The following CEP295 variants were observed in gnomAD, a reference collection of about 807,000 sequenced individuals.
CEP295 encodes centrosomal protein 295, also known as centrosomal protein of 295 kDa.
Under a neutral mutation model 291.6 loss-of-function variants are expected in CEP295, and 190 were observed. That is an observed-to-expected ratio of 0.65 (90% confidence interval 0.58 to 0.73). The LOEUF is 0.73. Among genes scored for constraint, CEP295 ranks in the 30% least tolerant of loss-of-function variants. CEP295 has a pLI of 0.00. For synonymous variants in CEP295, 993 were observed against 1,038.8 expected (o/e 0.96, Z 0.85); for missense variants, 2,863 against 2,949.4 (o/e 0.97, Z 0.68).
chr11:93,721,439 AT>A, intron 19 of CEP295, 27 bp downstream of exon 19: 1 of 1,366,174 alleles, frequency 7.3e-7, no homozygotes, highest in Non-Finnish European at 1.0e-6. Flanking sequence ...TGTTCACTCG[AT>A]TTTTAGAGCT....
intron 6 of CEP295, among the ~76,000 whole-genome samples, chr11:93,676,390 A>C (rs762566754): frequency 6.6e-6 from 1 of 151,978 alleles, no homozygotes; most frequent in Non-Finnish European, 1.5e-5. Flanking sequence ...TGTTATTATA[A>C]TTGCTATTTC....
At chr11:93,677,752 T>G (rs1950766045) in intron 6 of CEP295, among the ~76,000 whole-genome samples, 1 of 152,182 alleles carries the variant, frequency 6.6e-6, no homozygotes, top group South Asian at 2.1e-4. Context: ...TCATCATCAA[T>G]TTTCCATGCT....
At chr11:93,714,780 A>G (rs1413217759) in intron 18 of CEP295, among the ~76,000 whole-genome samples, 1 of 152,138 alleles carries the variant, frequency 6.6e-6, no homozygotes, top group Non-Finnish European at 1.5e-5. Context: ...AATTCTCTGG[A>G]CTATCCAGCA....
intron 18 of CEP295, among the ~76,000 whole-genome samples, chr11:93,720,407 G>A (rs1591143110): frequency 6.8e-6 from 1 of 147,788 alleles, no homozygotes; most frequent in East Asian, 2.1e-4. Context: ...CTGGGAGGTG[G>A]AGGTTGCAGT....
Position 93,699,257 on chromosome 11 carries a change from G to A in CEP295, c.4345G>A (p.Val1449Ile), listed in dbSNP as rs186080475. 2.6e-6 allele frequency: 4 copies of A among 1,551,786 alleles called. No homozygotes were observed. Among genetic ancestry groups the A allele is most frequent in the Middle Eastern group, 1.7e-4 (1 of 5,992 alleles). ...PDGLLGLSHL[V>I]LPQQDNLIAL... ...TGGGCTGTTGGGTTTATCACATCTTGTTTTACCTCAACAAGATAATTTGAT... is the reference window on the plus strand; with the variant it reads ...TGGGCTGTTGGGTTTATCACATCTTATTTTACCTCAACAAGATAATTTGAT... The change falls in exon 15 of 30, where the codon GTT becomes ATT. Residue 1449 changes from valine (V) to isoleucine (I), a missense_variant. Val to Ile is a conservative substitution (Grantham distance 29). Coordinates refer to ENST00000325212, the MANE Select transcript of CEP295 (RefSeq NM_033395.2).
chr11:93,687,918 A>G, intron 10 of CEP295, 53 bp downstream of exon 10: 2 of 1,328,112 alleles, frequency 1.5e-6, no homozygotes, highest in Non-Finnish European at 1.0e-6. Flanking sequence ...GTTGTTCAAA[A>G]GTAGGTTCGT....
chr11:93,698,255 T>G lies in CEP295; in HGVS notation c.3343T>G (p.Ser1115Ala). 1 of 1,551,838 alleles carries G rather than the reference T, an allele frequency of 6.4e-7. No homozygotes were observed. The highest frequency in any genetic ancestry group is 8.7e-7 in the Non-Finnish European group (1 of 1,146,992). Residue 1115 changes from serine (S) to alanine (A), a missense_variant, in exon 15 of 30, where the codon TCT (serine) becomes GCT (alanine). Ser to Ala is a moderately conservative substitution (Grantham distance 99). Around this residue, in one of 3 missense-constraint regions of CEP295, gnomAD observed 2,295 missense variants for 2,335.7 expected, o/e 0.98. Transcript: ENST00000325212. Reference protein sequence around the residue: ...VVQHSVASQASAKAEPRRIQE... With the variant: ...VVQHSVASQAAAKAEPRRIQE... ...TCAGCATTCAGTTGCTTCACAAGCTTCTGCTAAAGCTGAGCCTAGGAGAAT... is the reference window on the plus strand; with the variant it reads ...TCAGCATTCAGTTGCTTCACAAGCTGCTGCTAAAGCTGAGCCTAGGAGAAT...
In CEP295 at chr11:93,723,150, G is replaced by A. The variant is rs1591156979; in HGVS notation, c.6057G>A (p.Gln2019=). The A allele has an allele frequency of 1.9e-6, 3 of 1,552,072 alleles. No homozygotes were observed. The highest frequency in any genetic ancestry group is 2.7e-5 in the African/African-American group (2 of 73,166). The part of the protein sequence containing the change: ...SIVPSTQDIY[Q]RQNSSDVHKS... The stretch of plus-strand genomic sequence containing the variant: ...TTCCTTCAACACAAGATATTTATCA[G>A]CGGCAGAACTCTTCAGACGTTCATA... Residue 2019 remains glutamine (Q), a synonymous_variant, in exon 21 of 30, where the codon CAG becomes CAA. Coordinates refer to ENST00000325212, the MANE Select transcript of CEP295 (RefSeq NM_033395.2).
chr11:93,688,682 G>A (rs1036943408), intron 10 of CEP295, among the ~76,000 whole-genome samples: 4 of 151,998 alleles, frequency 2.6e-5, no homozygotes, highest in Admixed American at 6.6e-5. Flanking sequence ...AGCTCATTCC[G>A]CAAGTCCCTT....
chr11:93,663,547 G>A (rs1020281246), intron 1 of CEP295, among the ~76,000 whole-genome samples: 5 of 152,140 alleles, frequency 3.3e-5, no homozygotes, highest in African/African-American at 1.2e-4. Context: ...ACTGCCTGTA[G>A]ATTAGTAAAA....
intron 12 of CEP295, among the ~76,000 whole-genome samples, chr11:93,695,173 A>G (rs1270747694): frequency 6.6e-6 from 1 of 152,250 alleles, no homozygotes; most frequent in Non-Finnish European, 1.5e-5. Flanking sequence ...TTGGCTGTAC[A>G]TCATTTGCTA....
intron 10 of CEP295, among the ~76,000 whole-genome samples, chr11:93,690,864 G>A (rs776215391): frequency 1.1e-4 from 17 of 152,008 alleles, no homozygotes; most frequent in Non-Finnish European, 2.5e-4. Context: ...ATGGGCCAAG[G>A]TTTGTTTCTT....
chr11:93,690,306 C>G (rs2135029701), intron 10 of CEP295, among the ~76,000 whole-genome samples: 1 of 152,158 alleles, frequency 6.6e-6, no homozygotes, highest in Middle Eastern at 3.4e-3. Context: ...CCTCTAATCC[C>G]AACACTTTGG....
At chr11:93,694,637 A>G (rs912894250) in intron 12 of CEP295, among the ~76,000 whole-genome samples, 2 of 152,244 alleles carry the variant, frequency 1.3e-5, no homozygotes, top group Non-Finnish European at 2.9e-5. Context: ...CAAGATGGCT[A>G]CTAAGTAACA....
intron 18 of CEP295, among the ~76,000 whole-genome samples, chr11:93,720,988 T>C (rs1408286210): frequency 6.6e-6 from 1 of 152,228 alleles, no homozygotes; most frequent in East Asian, 1.9e-4. Context: ...GCTTTTCCAC[T>C]TAAAACAGTG....
rs1331911130 is a variant in CEP295, at chr11:93,727,160, C to T, written c.6684C>T (p.Phe2228=). ...AAAACAAGAAAAAAATTGTTCATTT[C>T]CAGCTTTCTATAGGAAACTTAAGTT... The part of the protein sequence containing the change: ...ILQNKKKIVH[F]QLSIGNLSSV... Residue 2228 remains phenylalanine (F), a synonymous_variant, in exon 24 of 30, where the codon TTC becomes TTT. Transcript: ENST00000325212. 1.3e-6 allele frequency: 2 copies of T among 1,550,446 alleles called. No homozygotes were observed. The highest frequency in any genetic ancestry group is 1.7e-6 in the Non-Finnish European group (2 of 1,146,616).
At chr11:93,719,123 A>C (rs1026261197) in intron 18 of CEP295, among the ~76,000 whole-genome samples, 2 of 152,106 alleles carry the variant, frequency 1.3e-5, no homozygotes, top group African/African-American at 4.8e-5. Context: ...ATAAAGACAA[A>C]GATTTGCGAT....
intron 5 of CEP295, 73 bp downstream of exon 5, chr11:93,669,843 A>T: frequency 1.1e-6 from 1 of 928,924 alleles, no homozygotes; most frequent in East Asian, 2.7e-5. Flanking sequence ...GGTCAGAATG[A>T]CTATCACTTA....
intron 18 of CEP295, among the ~76,000 whole-genome samples, chr11:93,717,120 A>G (rs934386912): frequency 6.6e-6 from 1 of 152,140 alleles, no homozygotes; most frequent in African/African-American, 2.4e-5. Context: ...AAGTCAGCCT[A>G]ATACAGGAAA....
Sources: allele counts gnomAD v4.1 joint callset (sites outside exome capture counted in the v4.1 genomes callset), GRCh38; gene constraint gnomAD v4.1.1; regional missense constraint gnomAD v4.1.1; transcripts MANE v1.5; gene names NCBI Gene and HGNC (gene_info 2026-07-23, HGNC 2026-07-21).